Variants in SNX29 observed in about 807,000 individuals in gnomAD.
SNX29 encodes the protein sorting nexin-29.
SNX29 carries 78 observed loss-of-function variants against 102.1 expected under a neutral mutation model. The observed-to-expected ratio is 0.76, with a 90% CI of 0.64 to 0.92. The LOEUF (loss-of-function observed/expected upper bound fraction) is 0.92, where lower values mean the gene tolerates loss of function less well. Among genes scored for constraint, SNX29 ranks in the 40% least tolerant of loss-of-function variants. SNX29 has a pLI of 0.00. For synonymous variants in SNX29, 580 were observed against 414.5 expected (o/e 1.40, Z -4.85); for missense variants, 1,280 against 1,061.7 (o/e 1.21, Z -2.86).
intron 18 of SNX29, among the ~76,000 whole-genome samples, chr16:12,472,924 C>CT (rs1209943733): frequency 2.6e-5 from 4 of 152,128 alleles, no homozygotes; most frequent in Non-Finnish European, 5.9e-5. Flanking sequence ...ATTTAATCTT[C>CT]TTTTGCTGAG....
At chr16:12,280,707 G>A (rs971646074) in intron 15 of SNX29, among the ~76,000 whole-genome samples, 6 of 152,152 alleles carry the variant, frequency 3.9e-5, no homozygotes, top group Non-Finnish European at 8.8e-5. Context: ...AATAGCATTA[G>A]CATTTCACTA....
rs79587038 is a variant in SNX29, at chr16:12,295,374, C to T, written c.1782+17338C>T. On this transcript the variant is annotated intron_variant, in intron 15 of 20. Coordinates refer to ENST00000566228, the MANE Select transcript of SNX29 (RefSeq NM_032167.5). ...TCCTGAACATTCCTTCTCTTCCTAC[C>T]AACCCAAGGACTTTTTCTTGCCAAG... 2.6e-3 allele frequency among the ~76,000 whole-genome samples: 397 copies of T among 152,368 alleles called. 2 individuals carry two copies. Among genetic ancestry groups the T allele is most frequent in the African/African-American group, 8.7e-3 (363 of 41,598 alleles).
intron 16 of SNX29, among the ~76,000 whole-genome samples, chr16:12,365,387 G>A (rs934787275): frequency 1.3e-5 from 2 of 149,024 alleles, no homozygotes; most frequent in African/African-American, 2.5e-5. Flanking sequence ...ATCACATGGT[G>A]TTTATGTCAG....
chr16:12,177,496 G>C (rs1248006925), intron 13 of SNX29, among the ~76,000 whole-genome samples: 1 of 152,114 alleles, frequency 6.6e-6, no homozygotes, highest in East Asian at 1.9e-4. Context: ...TATCTGTGTA[G>C]GTCTTAATGA....
rs1007259676 is a variant in SNX29 at position 12,564,996 on chromosome 16, C to G, written c.2319-3510C>G. ...AGGCGTTTCAGCTTCCGACTACAGC[C>G]CATGTCTCTACTGTTGGACGCCAGT... On this transcript the variant is annotated intron_variant, in intron 20 of 20. Coordinates refer to ENST00000566228, the MANE Select transcript of SNX29 (RefSeq NM_032167.5). 2.6e-5 allele frequency among the ~76,000 whole-genome samples: 4 copies of G among 151,870 alleles called. No homozygotes were observed. The East Asian group carries it at 5.8e-4, about 22-fold the overall frequency.
intron 16 of SNX29, among the ~76,000 whole-genome samples, chr16:12,392,994 A>G (rs191875544): frequency 9.3e-4 from 141 of 152,354 alleles, no homozygotes; most frequent in African/African-American, 3.1e-3. Context: ...GTTCCTTATT[A>G]AAAGATGAGA....
chr16:12,472,544 C>CAAAAAAAAAAAAAAAAA (rs568390260), intron 18 of SNX29, among the ~76,000 whole-genome samples: 6 of 115,620 alleles, frequency 5.2e-5, no homozygotes, highest in African/African-American at 1.0e-4. Context: ...AAAAAAAAAA[C>CAAAAAAAAAAAAAAAAA]AAAAAAAAAA....
chr16:12,052,094 C>A lies in SNX29; in HGVS notation c.996C>A (p.Asn332Lys), dbSNP rs376418962. ...NSWKIDSLSL[N>K]GEFGYQKLDV... ...GGAAAATTGATTCCCTGTCTTTGAACGGGGAGTTTGGGTACCAGAAGCTTG... is the reference window on the plus strand; with the variant it reads ...GGAAAATTGATTCCCTGTCTTTGAAAGGGGAGTTTGGGTACCAGAAGCTTG... Residue 332 changes from asparagine (N) to lysine (K), a missense_variant, in exon 8 of 21, where the codon AAC (asparagine) becomes AAA (lysine). Coordinates refer to ENST00000566228, the MANE Select transcript of SNX29 (RefSeq NM_032167.5). 6.2e-7 allele frequency: 1 copy of A among 1,613,830 alleles called. No individual in the cohort carries two copies. The highest frequency in any genetic ancestry group is 2.2e-5 in the East Asian group (1 of 44,874).
chr16:12,091,404 C>G (rs1461733553), intron 11 of SNX29, among the ~76,000 whole-genome samples: 2 of 152,230 alleles, frequency 1.3e-5, no homozygotes, highest in East Asian at 1.9e-4. Context: ...TCCTAACCCC[C>G]AGTGTGATGG....
intron 15 of SNX29, among the ~76,000 whole-genome samples, chr16:12,307,536 G>A (rs1411828563): frequency 6.6e-6 from 1 of 152,218 alleles, no homozygotes; most frequent in East Asian, 1.9e-4. Flanking sequence ...ACTTTATTCT[G>A]TGTCTGGACA....
At position 12,042,951 on chromosome 16, in the gene SNX29, G is replaced by A. The variant is rs767086552; in HGVS notation, c.302G>A (p.Arg101His). Residue 101 changes from arginine to histidine, a missense_variant, in exon 5 of 21, where the codon CGC (arginine) becomes CAC (histidine). Transcript: ENST00000566228. ...GTCCTCAACAAGCACGAGCTGCAGC[G>A]CTTCTACTCCCTGCGCCACATCGCC... is the stretch of plus-strand genomic sequence containing the variant. The part of the protein sequence containing the change: ...KEVLNKHELQ[R>H]FYSLRHIASD... 6.2e-6 allele frequency: 10 copies of A among 1,613,832 alleles called. No individual in the cohort carries two copies. Among genetic ancestry groups the A allele is most frequent in the South Asian group, 3.3e-5 (3 of 91,040 alleles).
At position 12,570,624 on chromosome 16, in the gene SNX29, A is replaced by G. The variant is rs938899225; in HGVS notation, c.*1995A>G. 30 of 231,968 alleles carry G rather than the reference A, an allele frequency of 1.3e-4. 1 individual carries two copies. The highest frequency in any genetic ancestry group is 6.4e-4 in the African/African-American group (29 of 45,200). The allele number at this position is 231,968 out of a possible 1,614,324, so 14.4% of individuals were successfully genotyped here. ...AGGTCATCTCCCTGTTCTCTGTTGG[A>G]TAAAGGAACCTCCCCCATCTGTGAC... On this transcript the variant is annotated 3_prime_UTR_variant, in exon 21 of 21. Transcript: ENST00000566228.
chr16:12,120,417 T>C (rs2053923445), intron 11 of SNX29, among the ~76,000 whole-genome samples: 1 of 152,218 alleles, frequency 6.6e-6, no homozygotes, highest in African/African-American at 2.4e-5. Flanking sequence ...AGAGAGTGTG[T>C]GTGCGCACAC....
intron 19 of SNX29, among the ~76,000 whole-genome samples, chr16:12,484,981 A>T (rs1338757506): frequency 6.6e-6 from 1 of 152,232 alleles, no homozygotes; most frequent in African/African-American, 2.4e-5. Flanking sequence ...ACATACCAAG[A>T]TACTCACGGT....
At chr16:12,481,469 CAT>C (rs917444093) in intron 19 of SNX29, among the ~76,000 whole-genome samples, 3 of 90,070 alleles carry the variant, frequency 3.3e-5, no homozygotes, top group African/African-American at 6.5e-5. Flanking sequence ...TATATATACA[CAT>C]ATATACACAC....
intron 19 of SNX29, among the ~76,000 whole-genome samples, chr16:12,492,362 C>G (rs1315241273): frequency 6.6e-6 from 1 of 152,098 alleles, no homozygotes; most frequent in African/African-American, 2.4e-5. Context: ...CCTTCGCCCA[C>G]TTTTTGATGG....
intron 14 of SNX29, among the ~76,000 whole-genome samples, chr16:12,209,871 C>G (rs1382490851): frequency 2.0e-5 from 3 of 152,196 alleles, no homozygotes; most frequent in African/African-American, 7.2e-5. Context: ...TGAAGACTCG[C>G]TTCATAAGAG....
intron 16 of SNX29, among the ~76,000 whole-genome samples, chr16:12,391,392 GT>G (rs1376536115): frequency 6.6e-6 from 1 of 152,144 alleles, no homozygotes; most frequent in African/African-American, 2.4e-5. Flanking sequence ...CTGATAGCCT[GT>G]TCAGAAGACA....
chr16:12,564,533 G>A (rs904144195), intron 20 of SNX29, among the ~76,000 whole-genome samples: 19 of 152,286 alleles, frequency 1.2e-4, no homozygotes, highest in Admixed American at 4.6e-4. Flanking sequence ...CTCTGAATAT[G>A]GAGTTAAGGC....
Sources: allele counts gnomAD v4.1 joint callset (sites outside exome capture counted in the v4.1 genomes callset), GRCh38; gene constraint gnomAD v4.1.1; transcripts MANE v1.5; gene names NCBI Gene and HGNC (gene_info 2026-07-23, HGNC 2026-07-21).